The following KLHL15 variants were observed in gnomAD, a reference collection of about 807,000 sequenced individuals.
KLHL15 encodes the protein kelch like family member 15, also known as kelch-like protein 15.
KLHL15 carries 1 observed loss-of-function variant against 29.3 expected under a neutral mutation model. The observed-to-expected ratio is 0.03, with a 90% CI of 0.01 to 0.16. The LOEUF (loss-of-function observed/expected upper bound fraction) is 0.16, where lower values mean the gene tolerates loss of function less well. Among genes scored for constraint, KLHL15 ranks in the 10% least tolerant of loss-of-function variants. The pLI, the probability that KLHL15 is intolerant of heterozygous loss-of-function variation, is 1.00. For missense variants in KLHL15, 215 were observed against 478.5 expected (o/e 0.45, Z 5.14); for synonymous variants, 212 against 184.5 (o/e 1.15, Z -1.21).
chrX:23,989,379 C>G (rs1400845817), intron 3 of KLHL15, among the ~76,000 whole-genome samples: 1 of 110,484 alleles, frequency 9.1e-6, no homozygotes, highest in African/African-American at 3.3e-5. Flanking sequence ...GTTTCATCAT[C>G]TTGACCAGGC....
In KLHL15 at chrX:23,986,768, G is replaced by A. The variant is rs998600765; in HGVS notation, c.*1153C>T. 1 of 111,812 alleles carries A rather than the reference G, an allele frequency of 8.9e-6. No individual in the cohort carries two copies. The allele number at this position is 111,812 out of a possible 1,213,427, so 9.2% of individuals were successfully genotyped here. Reference sequence around the variant, plus strand: ...TTTCTTACCTCTAAGTCAAAACTGAGGTCAAATTTTCTAAGAGTTTCTACC... The same window carrying A: ...TTTCTTACCTCTAAGTCAAAACTGAAGTCAAATTTTCTAAGAGTTTCTACC... On this transcript the variant is annotated 3_prime_UTR_variant, in exon 4 of 4. Transcript: ENST00000328046.
At chrX:24,014,094 T>C (rs1005521041) in intron 2 of KLHL15, among the ~76,000 whole-genome samples, 2 of 90,831 alleles carry the variant, frequency 2.2e-5, no homozygotes, top group Admixed American at 2.3e-4. Context: ...TCTAACAAAA[T>C]TAAAAAAAAA....
intron 2 of KLHL15, among the ~76,000 whole-genome samples, chrX:24,008,122 T>C (rs1929492324): frequency 8.9e-6 from 1 of 112,297 alleles, no homozygotes; most frequent in Admixed American, 9.5e-5. Flanking sequence ...AATGCTTATA[T>C]ATTTAAAAAT....
At chrX:24,007,430 T>A (rs1339987608) in intron 2 of KLHL15, among the ~76,000 whole-genome samples, 1 of 98,828 alleles carries the variant, frequency 1.0e-5, no homozygotes, top group East Asian at 3.1e-4. Context: ...GAGACGGAGG[T>A]TGCAGTGAGC....
intron 2 of KLHL15, 41 bp from the exon 3 acceptor site, chrX:24,006,741 G>A (rs1929451811): frequency 1.0e-6 from 1 of 963,654 alleles, no homozygotes; most frequent in Non-Finnish European, 1.4e-6. Context: ...ACACTTCCAT[G>A]CATTCAGAAG....
chrX:24,023,104 T>C (rs1188402743), intron 2 of KLHL15, among the ~76,000 whole-genome samples: 1 of 111,765 alleles, frequency 8.9e-6, no homozygotes, highest in African/African-American at 3.3e-5. Flanking sequence ...TAAATTAGCA[T>C]GAATTTTACC....
rs1928994049 is a variant in KLHL15 at position 23,986,803 on chromosome X, A to G, written c.*1118T>C. On this transcript the variant is annotated 3_prime_UTR_variant, in exon 4 of 4. Coordinates refer to ENST00000328046, the MANE Select transcript of KLHL15 (RefSeq NM_030624.3). Reference sequence around the variant, plus strand: ...TCTAAGAGTTTCTACCTTCCATTCAATAACAAATGCAGCAGCCTTACTGAA... The same window carrying G: ...TCTAAGAGTTTCTACCTTCCATTCAGTAACAAATGCAGCAGCCTTACTGAA... 8.9e-6 allele frequency: 1 copy of G among 111,911 alleles called. No homozygotes were observed. Among genetic ancestry groups the G allele is most frequent in the Non-Finnish European group, 1.9e-5 (1 of 53,171 alleles). The allele number at this position is 111,911 out of a possible 1,213,427, so 9.2% of individuals were successfully genotyped here.
At chrX:23,998,231 G>A (rs769977316) in intron 3 of KLHL15, among the ~76,000 whole-genome samples, 96 of 110,925 alleles carry the variant, frequency 8.7e-4, no homozygotes, top group Middle Eastern at 4.6e-3. Flanking sequence ...AAAGTGCTGC[G>A]ATTACAGGCG....
At chrX:24,003,642 AAT>A (rs1325316183) in intron 3 of KLHL15, among the ~76,000 whole-genome samples, 5 of 76,201 alleles carry the variant, frequency 6.6e-5, no homozygotes, top group Non-Finnish European at 8.9e-5. Flanking sequence ...ACCTAGCATA[AAT>A]ATATGTGTGT....
At chrX:24,022,230 G>A (rs967596894) in intron 2 of KLHL15, among the ~76,000 whole-genome samples, 1 of 106,614 alleles carries the variant, frequency 9.4e-6, no homozygotes, top group Non-Finnish European at 1.9e-5. Context: ...AGTTACTCGG[G>A]AGGCTGAGGC....
intron 3 of KLHL15, among the ~76,000 whole-genome samples, chrX:23,989,973 TCTGGAG>T (rs1363790559): frequency 9.1e-6 from 1 of 109,406 alleles, no homozygotes; most frequent in African/African-American, 3.3e-5. Flanking sequence ...CCTTTTTGCT[TCTGGAG>T]CTGGAGCTAC....
At chrX:24,017,178 C>T (rs537144204) in intron 2 of KLHL15, among the ~76,000 whole-genome samples, 58 of 101,449 alleles carry the variant, frequency 5.7e-4, no homozygotes, top group African/African-American at 2.1e-3. Context: ...CGCCATTGTA[C>T]TCCAGCCTGG....
At chrX:24,019,270 GTTTA>G (rs756096713) in intron 2 of KLHL15, among the ~76,000 whole-genome samples, 2 of 111,650 alleles carry the variant, frequency 1.8e-5, no homozygotes, top group Admixed American at 9.6e-5. Flanking sequence ...ATTTTTATTT[GTTTA>G]TTTATTTTTT....
chrX:23,993,072 TTCTAA>T (rs1289462543), intron 3 of KLHL15, among the ~76,000 whole-genome samples: 3 of 111,992 alleles, frequency 2.7e-5, no homozygotes, highest in African/African-American at 9.7e-5. Context: ...GTCTTATGCC[TTCTAA>T]TCTGAGGATT....
chrX:24,004,747 G>A (rs1026375602), intron 3 of KLHL15, among the ~76,000 whole-genome samples: 11 of 103,783 alleles, frequency 1.1e-4, no homozygotes, highest in South Asian at 4.2e-4. Flanking sequence ...CCAAGATCAC[G>A]CCACTGTACT....
At chrX:24,025,977 G>C (rs1395876049) in intron 1 of KLHL15, among the ~76,000 whole-genome samples, 1 of 111,263 alleles carries the variant, frequency 9.0e-6, no homozygotes, top group African/African-American at 3.3e-5. Context: ...GCCCACCCTC[G>C]ACAAGTTGAG....
At chrX:24,008,440 T>C (rs949408717) in intron 2 of KLHL15, among the ~76,000 whole-genome samples, 4 of 112,159 alleles carry the variant, frequency 3.6e-5, no homozygotes, top group Admixed American at 9.5e-5. Context: ...GGTTTCGCCA[T>C]GTTGGCTAGG....
chrX:23,991,645 G>A (rs781763422), intron 3 of KLHL15, among the ~76,000 whole-genome samples: 3 of 111,679 alleles, frequency 2.7e-5, no homozygotes, highest in Non-Finnish European at 3.8e-5. Context: ...TTCGAGACCA[G>A]CCTGGCCAAC....
intron 3 of KLHL15, among the ~76,000 whole-genome samples, chrX:23,991,836 C>T (rs969046370): frequency 1.8e-5 from 2 of 111,702 alleles, no homozygotes; most frequent in Non-Finnish European, 3.8e-5. Flanking sequence ...AAGACTCCAT[C>T]TCGAAAAAAC....
Sources: allele counts gnomAD v4.1 joint callset (sites outside exome capture counted in the v4.1 genomes callset), GRCh38; gene constraint gnomAD v4.1.1; transcripts MANE v1.5; gene names NCBI Gene and HGNC (gene_info 2026-07-23, HGNC 2026-07-21).